The following B3GNT2 variants were observed in gnomAD, a reference collection of about 807,000 sequenced individuals.
B3GNT2 encodes N-acetyllactosaminide beta-1,3-N-acetylglucosaminyltransferase 2.
In B3GNT2, 12 loss-of-function variants were observed where a neutral mutation model predicts 27.6. The observed-to-expected ratio is 0.44, with a 90% CI of 0.28 to 0.71. B3GNT2 has a LOEUF of 0.71. Among genes scored for constraint, B3GNT2 ranks in the 30% least tolerant of loss-of-function variants. B3GNT2 has a pLI of 0.17. For synonymous variants in B3GNT2, 192 were observed against 189.7 expected (o/e 1.01, Z -0.10); for missense variants, 413 against 488.5 (o/e 0.85, Z 1.46).
intron 1 of B3GNT2, among the ~76,000 whole-genome samples, chr2:62,203,870 T>C (rs1447115572): frequency 1.3e-5 from 2 of 152,174 alleles, no homozygotes; most frequent in African/African-American, 4.8e-5. Context: ...GGCAACCCAC[T>C]TAGCTCCTGT....
intron 1 of B3GNT2, among the ~76,000 whole-genome samples, chr2:62,206,668 G>A (rs1329255610): frequency 6.6e-6 from 1 of 152,182 alleles, no homozygotes; most frequent in African/African-American, 2.4e-5. Flanking sequence ...GGGATTACAG[G>A]TGTAAGCCAC....
chr2:62,222,091 G>C lies in B3GNT2; in HGVS notation c.-9-121G>C, dbSNP rs983725214. 4.6e-6 allele frequency: 4 copies of C among 871,304 alleles called. No individual in the cohort carries two copies. Among genetic ancestry groups the C allele is most frequent in the Non-Finnish European group, 7.0e-6 (4 of 575,480 alleles). 54.0% of individuals were successfully genotyped at this position (871,304 alleles called of 1,614,324 possible). On this transcript the variant is annotated intron_variant, in intron 1 of 1. Coordinates refer to ENST00000301998, the MANE Select transcript of B3GNT2 (RefSeq NM_006577.6). The surrounding 1 kb of genome is among the most constrained non-coding windows in gnomAD (Gnocchi z 4.2). ...AGGAAGGGCCAAGATTTGAACCTAGGCAGTGCAAGTGTAGAGTCTTTGCTG... is the reference window on the plus strand; with the variant it reads ...AGGAAGGGCCAAGATTTGAACCTAGCCAGTGCAAGTGTAGAGTCTTTGCTG...
At chr2:62,213,813 C>A (rs919751854) in intron 1 of B3GNT2, among the ~76,000 whole-genome samples, 1 of 152,176 alleles carries the variant, frequency 6.6e-6, no homozygotes, top group Non-Finnish European at 1.5e-5. Flanking sequence ...TTTCCATTGT[C>A]ATCTCTTAGG....
chr2:62,222,254 G>A lies in B3GNT2; in HGVS notation c.34G>A (p.Gly12Ser). 1 of 1,611,168 alleles carries A rather than the reference G, an allele frequency of 6.2e-7. No homozygotes were observed. Among genetic ancestry groups the A allele is most frequent in the Non-Finnish European group, 8.5e-7 (1 of 1,179,056 alleles). The change falls in exon 2 of 2, where the codon GGT becomes AGT. Residue 12 changes from glycine to serine, a missense_variant. Coordinates refer to ENST00000301998, the MANE Select transcript of B3GNT2 (RefSeq NM_006577.6). This position sits in a 1 kb window ranked among gnomAD's most constrained non-coding sequence, Gnocchi z 4.2. ...TGGACGTCGAAGAATAAAGTTGTTG[G>A]GTATCCTGATGATGGCAAATGTCTT... is the stretch of plus-strand genomic sequence containing the variant. ...SVGRRRIKLL[G>S]ILMMANVFIY...
At chr2:62,221,257 C>T (rs980174351) in intron 1 of B3GNT2, among the ~76,000 whole-genome samples, 3 of 152,154 alleles carry the variant, frequency 2.0e-5, no homozygotes, top group African/African-American at 4.8e-5. Flanking sequence ...TTTCTATTGC[C>T]GAGGGGATAT....
intron 1 of B3GNT2, among the ~76,000 whole-genome samples, chr2:62,197,720 G>A (rs1240525313): frequency 6.6e-6 from 1 of 152,202 alleles, no homozygotes; most frequent in Non-Finnish European, 1.5e-5. Context: ...TGGCCGACAG[G>A]GCCGGGACTG....
intron 1 of B3GNT2, among the ~76,000 whole-genome samples, chr2:62,210,818 A>G (rs1674468803): frequency 6.6e-6 from 1 of 152,238 alleles, no homozygotes; most frequent in African/African-American, 2.4e-5. Context: ...GTCAGTGTGG[A>G]TGACTTCATG....
At chr2:62,196,838 C>T (rs1421293854) in intron 1 of B3GNT2, among the ~76,000 whole-genome samples, 1 of 151,926 alleles carries the variant, frequency 6.6e-6, no homozygotes, top group Non-Finnish European at 1.5e-5. Context: ...TGATTCCTCG[C>T]TCGCACCCCC....
intron 1 of B3GNT2, chr2:62,221,988 G>A: frequency 1.7e-6 from 1 of 589,042 alleles, no homozygotes; most frequent in South Asian, 1.8e-5. Context: ...ATCCTTTGAA[G>A]TGGGCTTGAT....
At chr2:62,215,558 C>G (rs984030484) in intron 1 of B3GNT2, 10 of 152,308 alleles carry the variant, frequency 6.6e-5, no homozygotes, top group Admixed American at 6.5e-4. Flanking sequence ...TCTGTTTATC[C>G]GAGCAGAACC....
Position 62,221,869 on chromosome 2 carries a change from A to G in B3GNT2, c.-9-343A>G, listed in dbSNP as rs1674702291. ...TTGAACTCTCCTGAGGTTATTTAGT[A>G]ATAGGTATTTCTAGCTTCAGCATGT... On this transcript the variant is annotated intron_variant, in intron 1 of 1. Coordinates refer to ENST00000301998, the MANE Select transcript of B3GNT2 (RefSeq NM_006577.6). The G allele has an allele frequency of 5.6e-6, 3 of 532,120 alleles. No homozygotes were observed. The East Asian group carries it at 1.6e-4, about 28-fold the overall frequency. The allele number at this position is 532,120 out of a possible 1,614,324, so 33.0% of individuals were successfully genotyped here. A position where few individuals can be genotyped will look rare whatever the true frequency, so the allele number is the denominator to read the frequency against.
intron 1 of B3GNT2, among the ~76,000 whole-genome samples, chr2:62,207,200 G>A (rs1323056122): frequency 6.6e-6 from 1 of 150,876 alleles, no homozygotes; most frequent in East Asian, 1.9e-4. Flanking sequence ...TTTTTTTTAA[G>A]ACAGGGTCTC....
chr2:62,222,947 A>G lies in B3GNT2; in HGVS notation c.727A>G (p.Lys243Glu). Residue 243 changes from lysine (K) to glutamate (E), a missense_variant, in exon 2 of 2, where the codon AAG (lysine) becomes GAG (glutamate). Physicochemically the swap from Lys to Glu is moderately conservative, Grantham distance 56. Transcript: ENST00000301998. This position sits in a 1 kb window ranked among gnomAD's most constrained non-coding sequence, Gnocchi z 4.2. Reference sequence around the variant, plus strand: ...CTGCCCAGACACTGAGTTTGTTTTCAAGGGCGATGACGATGTTTTTGTGAA... The same window carrying G: ...CTGCCCAGACACTGAGTTTGTTTTCGAGGGCGATGACGATGTTTTTGTGAA... ...TSCPDTEFVF[K>E]GDDDVFVNTH... The G allele has an allele frequency of 6.2e-7, 1 of 1,614,216 alleles. No individual in the cohort carries two copies. Among genetic ancestry groups the G allele is most frequent in the Non-Finnish European group, 8.5e-7 (1 of 1,180,034 alleles).
At chr2:62,217,988 G>C (rs1010859774) in intron 1 of B3GNT2, among the ~76,000 whole-genome samples, 2 of 152,160 alleles carry the variant, frequency 1.3e-5, no homozygotes, top group Non-Finnish European at 2.9e-5. Flanking sequence ...TTTGTATATG[G>C]GGTTTTCTCT....
rs747758308 is a variant in B3GNT2 at position 62,222,188 on chromosome 2, C to G, written c.-9-24C>G. On this transcript the variant is annotated intron_variant, in intron 1 of 1. Transcript: ENST00000301998. The surrounding 1 kb of genome is among the most constrained non-coding windows in gnomAD (Gnocchi z 4.2). ...AATGCAAATTGATAAGTAATTGATA[C>G]AATACTCCACCCCTTTATTCCAGAT... 3 of 1,538,724 alleles carry G rather than the reference C, an allele frequency of 1.9e-6. No individual in the cohort carries two copies. The African/African-American group carries it at 4.2e-5, about 21-fold the overall frequency.
At chr2:62,203,069 A>G (rs1674300977) in intron 1 of B3GNT2, among the ~76,000 whole-genome samples, 1 of 152,226 alleles carries the variant, frequency 6.6e-6, no homozygotes, top group Non-Finnish European at 1.5e-5. Context: ...TCAACCTTAC[A>G]GCAATCAACT....
chr2:62,219,285 A>G (rs1674636497), intron 1 of B3GNT2, among the ~76,000 whole-genome samples: 1 of 152,170 alleles, frequency 6.6e-6, no homozygotes, highest in Non-Finnish European at 1.5e-5. Flanking sequence ...TTACTGAGTT[A>G]AATTTTTGCC....
chr2:62,205,434 T>G (rs1274761584), intron 1 of B3GNT2, among the ~76,000 whole-genome samples: 1 of 152,240 alleles, frequency 6.6e-6, no homozygotes, highest in Non-Finnish European at 1.5e-5. Context: ...TGAGGATACG[T>G]ATTTTAAAAT....
In B3GNT2 at chr2:62,223,154, T is replaced by TC; in HGVS notation, c.936dup (p.Gly313ArgfsTer12). ...TGCAGGGGGAGGGGGGTTCCTCTAC[T>TC]CCGGCCACCTGGCCCTGAGGCTGTA... On this transcript the variant is annotated frameshift_variant, in exon 2 of 2. Coordinates refer to ENST00000301998, the MANE Select transcript of B3GNT2 (RefSeq NM_006577.6). LOFTEE classifies it high-confidence loss of function. The TC allele has an allele frequency of 6.2e-7, 1 of 1,614,186 alleles. No homozygotes were observed. Among genetic ancestry groups the TC allele is most frequent in the Non-Finnish European group, 8.5e-7 (1 of 1,180,026 alleles).
Sources: allele counts gnomAD v4.1 joint callset (sites outside exome capture counted in the v4.1 genomes callset), GRCh38; gene constraint gnomAD v4.1.1; non-coding constraint Gnocchi (gnomAD v3.1); transcripts MANE v1.5; gene names NCBI Gene and HGNC (gene_info 2026-07-23, HGNC 2026-07-21).